Variants in ATG14 observed in about 807,000 individuals in gnomAD.
The protein encoded by ATG14 is autophagy related 14, also known as beclin 1-associated autophagy-related key regulator.
Under a neutral mutation model 60.4 loss-of-function variants are expected in ATG14, and 35 were observed. The ratio of observed to expected loss-of-function variants is 0.58; its 90% confidence interval spans 0.44 to 0.77. The LOEUF (loss-of-function observed/expected upper bound fraction) is 0.77, where lower values mean the gene tolerates loss of function less well. ATG14 is among the 30% of genes least tolerant of loss of function. The pLI, the probability that ATG14 is intolerant of heterozygous loss-of-function variation, is 0.00. For missense variants in ATG14, 647 were observed against 626.3 expected (o/e 1.03, Z -0.35); for synonymous variants, 234 against 228.8 (o/e 1.02, Z -0.21).
At position 55,366,785 on chromosome 14, in the gene ATG14, A is replaced by C. The variant is rs1464308825; in HGVS notation, c.*2834T>G. On this transcript the variant is annotated 3_prime_UTR_variant, in exon 10 of 10. Coordinates refer to ENST00000247178, the MANE Select transcript of ATG14 (RefSeq NM_014924.5). The stretch of plus-strand genomic sequence containing the variant: ...GACCAAGTTCTATGGCTTTTTGTTT[A>C]AACAAAATACCAGCTTCAATTTTTT... The C allele has an allele frequency of 6.6e-6, 1 of 152,640 alleles. No homozygotes were observed. The highest frequency in any genetic ancestry group is 2.4e-5 in the African/African-American group (1 of 41,440). The allele number at this position is 152,640 out of a possible 1,614,324, so 9.5% of individuals were successfully genotyped here.
At chr14:55,393,690 A>G (rs1885262751) in intron 3 of ATG14, among the ~76,000 whole-genome samples, 1 of 151,774 alleles carries the variant, frequency 6.6e-6, no homozygotes, top group Non-Finnish European at 1.5e-5. Flanking sequence ...GACTACAGGT[A>G]TATACTACCA....
At position 55,380,687 on chromosome 14, in the gene ATG14, A is replaced by G. The variant is rs753300292; in HGVS notation, c.881T>C (p.Met294Thr). The G allele has an allele frequency of 1.3e-6, 2 of 1,592,100 alleles. No homozygotes were observed. The highest frequency in any genetic ancestry group is 2.3e-5 in the East Asian group (1 of 44,198). The change falls in exon 7 of 10, where the codon ATG becomes ACG. Residue 294 changes from methionine to threonine, a missense_variant. Physicochemically the swap from Met to Thr is moderately conservative, Grantham distance 81. Coordinates refer to ENST00000247178, the MANE Select transcript of ATG14 (RefSeq NM_014924.5). ...GGTGTAGGCAGGGTTACTCTGCTCC[A>G]TGTCTGCAGTAAGAAAACAACCACC... ...EEKKTTQGPD[M>T]EQSNPAYTIS...
intron 7 of ATG14, among the ~76,000 whole-genome samples, chr14:55,379,578 A>T (rs913944002): frequency 5.1e-4 from 77 of 152,258 alleles, no homozygotes; most frequent in African/African-American, 1.5e-3. Flanking sequence ...TTAATTTTTT[A>T]AAAAAATTAA....
chr14:55,386,196 A>G, intron 4 of ATG14, 100 bp from the exon 5 acceptor site: 1 of 1,028,474 alleles, frequency 9.7e-7, no homozygotes, highest in Non-Finnish European at 1.4e-6. Context: ...CTTGCAATCT[A>G]AACTGAAAGC....
At chr14:55,385,537 CCTG>C (rs1218499329) in intron 5 of ATG14, among the ~76,000 whole-genome samples, 3 of 152,192 alleles carry the variant, frequency 2.0e-5, no homozygotes, top group Non-Finnish European at 4.4e-5. Flanking sequence ...AGGTGATTCG[CCTG>C]CCTCGGCCTC....
In ATG14 at chr14:55,370,528, G is replaced by A. The variant is rs375564914; in HGVS notation, c.1173-603C>T. 3.3e-5 allele frequency among the ~76,000 whole-genome samples: 5 copies of A among 152,020 alleles called. No homozygotes were observed. The East Asian group carries it at 5.8e-4, about 18-fold the overall frequency. ...AGAAAACAATTTTTATTTCTCAAAG[G>A]TCCCTAATAACACCCTCACTGCCAA... On this transcript the variant is annotated intron_variant, in intron 9 of 9. Transcript: ENST00000247178.
chr14:55,402,926 A>ACAT (rs1555342952), intron 1 of ATG14, among the ~76,000 whole-genome samples: 1 of 16,398 alleles, frequency 6.1e-5, no homozygotes, highest in African/African-American at 2.6e-4. Context: ...AAAAAAAAAA[A>ACAT]ATATATATAT....
At chr14:55,372,333 C>T (rs1884838240) in intron 9 of ATG14, among the ~76,000 whole-genome samples, 1 of 152,174 alleles carries the variant, frequency 6.6e-6, no homozygotes, top group African/African-American at 2.4e-5. Context: ...TGCCTCTCTC[C>T]TCCTGGCACG....
chr14:55,393,270 A>G lies in ATG14; in HGVS notation c.328-2278T>C, dbSNP rs1202269997. ...CGTGGTGGTGGGCGCCTGTAGTCCC[A>G]GCTACTCGGGAGGCTGAGGCAGGAG... On this transcript the variant is annotated intron_variant, in intron 3 of 9. Coordinates refer to ENST00000247178, the MANE Select transcript of ATG14 (RefSeq NM_014924.5). 2.0e-5 allele frequency among the ~76,000 whole-genome samples: 3 copies of G among 152,004 alleles called. No individual in the cohort carries two copies. The East Asian group carries it at 5.8e-4, about 29-fold the overall frequency.
intron 5 of ATG14, among the ~76,000 whole-genome samples, chr14:55,383,338 G>A (rs1885067203): frequency 1.3e-5 from 2 of 151,882 alleles, no homozygotes; most frequent in African/African-American, 2.4e-5. Flanking sequence ...ATCACTTGAG[G>A]TCAGGAATTC....
intron 1 of ATG14, among the ~76,000 whole-genome samples, chr14:55,403,471 A>G (rs1231968294): frequency 2.0e-5 from 3 of 152,218 alleles, no homozygotes; most frequent in Non-Finnish European, 4.4e-5. Flanking sequence ...TTAGAAACAA[A>G]AATAGAAAAA....
At chr14:55,372,876 C>G (rs1184344125) in intron 9 of ATG14, among the ~76,000 whole-genome samples, 3 of 152,136 alleles carry the variant, frequency 2.0e-5, no homozygotes, top group Non-Finnish European at 4.4e-5. Context: ...GTGGAGAAAC[C>G]CACCTGGCAC....
rs531727924 is a variant in ATG14 at position 55,369,981 on chromosome 14, A to T, written c.1173-56T>A. The T allele has an allele frequency of 2.2e-5, 33 of 1,505,278 alleles. 1 individual carries two copies. The highest frequency in any genetic ancestry group is 1.8e-4 in the Middle Eastern group (1 of 5,572). 93.2% of individuals were successfully genotyped at this position (1,505,278 alleles called of 1,614,324 possible). On this transcript the variant is annotated intron_variant, in intron 9 of 9. Coordinates refer to ENST00000247178, the MANE Select transcript of ATG14 (RefSeq NM_014924.5). Reference sequence around the variant, plus strand: ...ATAACAACCATTCTCAACACCAGAAAATATGCCATCTTCCTGAAGGCCCTC... The same window carrying T: ...ATAACAACCATTCTCAACACCAGAATATATGCCATCTTCCTGAAGGCCCTC...
chr14:55,375,550 C>G (rs1884903978), intron 9 of ATG14, among the ~76,000 whole-genome samples: 1 of 138,756 alleles, frequency 7.2e-6, no homozygotes, highest in Admixed American at 7.7e-5. Flanking sequence ...CACTATGTTG[C>G]CCAGGCTGGT....
At chr14:55,379,119 G>T (rs1209966273) in intron 7 of ATG14, among the ~76,000 whole-genome samples, 1 of 152,150 alleles carries the variant, frequency 6.6e-6, no homozygotes, top group African/African-American at 2.4e-5. Flanking sequence ...GCTCCAAGAG[G>T]GCAAGGATTA....
intron 9 of ATG14, among the ~76,000 whole-genome samples, chr14:55,372,877 C>T (rs1180890051): frequency 6.6e-6 from 1 of 152,186 alleles, no homozygotes; most frequent in African/African-American, 2.4e-5. Flanking sequence ...TGGAGAAACC[C>T]ACCTGGCACG....
chr14:55,411,197 C>G (rs895648202), intron 1 of ATG14, among the ~76,000 whole-genome samples: 9 of 152,216 alleles, frequency 5.9e-5, no homozygotes, highest in African/African-American at 1.9e-4. Context: ...CTCTTCTACT[C>G]TCTCCTCTAG....
intron 3 of ATG14, chr14:55,395,098 G>C: frequency 2.0e-6 from 1 of 503,228 alleles, no homozygotes; most frequent in Non-Finnish European, 4.0e-6. Context: ...TTTGTCTGAA[G>C]ATTTATCCTT....
At chr14:55,395,826 A>C (rs996672695) in intron 3 of ATG14, 114 bp downstream of exon 3, 1 of 642,398 alleles carries the variant, frequency 1.6e-6, no homozygotes, top group Non-Finnish European at 2.3e-6. Flanking sequence ...AAGTGGATTA[A>C]GTAGAGGACT....
Sources: gnomAD v4.1 joint callset for allele counts (sites outside exome capture counted in the v4.1 genomes callset) on GRCh38, gnomAD v4.1.1 for gene constraint, MANE v1.5 for transcripts, NCBI Gene and HGNC (gene_info 2026-07-23, HGNC 2026-07-21) for gene names.